The following SLC25A24 variants were observed in gnomAD, a reference collection of about 807,000 sequenced individuals.
SLC25A24 encodes solute carrier family 25 member 24.
SLC25A24 carries 49 observed loss-of-function variants against 60.7 expected under a neutral mutation model. The ratio of observed to expected loss-of-function variants is 0.81; its 90% CI spans 0.64 to 1.02. SLC25A24 has a LOEUF of 1.02. Ranked by LOEUF, SLC25A24 falls within the 50% of genes least tolerant of loss-of-function variation. The probability of loss-of-function intolerance (pLI) is 0.00; values close to 1 mark genes in which losing one functional copy is unlikely to be tolerated. For missense variants in SLC25A24, 564 were observed against 586.3 expected, an observed-to-expected ratio of 0.96 and a Z score of 0.39; for synonymous variants, 202 against 200.6, an observed-to-expected ratio of 1.01 and a Z score of -0.06.
intron 3 of SLC25A24, among the ~76,000 whole-genome samples, chr1:108,175,257 C>T (rs955533961): frequency 2.0e-5 from 3 of 152,158 alleles, no homozygotes; most frequent in Non-Finnish European, 2.9e-5. Flanking sequence ...TTCTGATGTT[C>T]TCATGATAGT....
At chr1:108,192,984 C>A (rs1033394135) in intron 1 of SLC25A24, among the ~76,000 whole-genome samples, 4 of 139,690 alleles carry the variant, frequency 2.9e-5, no homozygotes, top group African/African-American at 9.9e-5. Context: ...TCCCCAGAAA[C>A]TTCCAGGGAG....
At chr1:108,199,695 T>A (rs1303790286) in intron 1 of SLC25A24, 2 of 541,764 alleles carry the variant, frequency 3.7e-6, no homozygotes, top group Admixed American at 3.5e-5. Context: ...AATTTAACAG[T>A]GCCCGTGGGC....
chr1:108,143,539 T>A lies in SLC25A24; in HGVS notation c.1098+4A>T. ...TCCAATTCAAAAGATTTCTACAAACTCACCTCATACACAGCAAGATCTATG... is the reference window on the plus strand; with the variant it reads ...TCCAATTCAAAAGATTTCTACAAACACACCTCATACACAGCAAGATCTATG... On this transcript the variant is annotated splice_donor_region_variant and intron_variant, in intron 8 of 9. Transcript: ENST00000565488. 1 of 1,597,652 alleles carries A rather than the reference T, an allele frequency of 6.3e-7. No homozygotes were observed. The highest frequency in any genetic ancestry group is 8.5e-7 in the Non-Finnish European group (1 of 1,174,340).
chr1:108,164,501 T>A (rs993520229), intron 3 of SLC25A24, among the ~76,000 whole-genome samples: 2 of 152,160 alleles, frequency 1.3e-5, no homozygotes, highest in Non-Finnish European at 2.9e-5. Flanking sequence ...AAATTCAACT[T>A]CTTCCTGGTT....
In SLC25A24 at chr1:108,148,289, T is replaced by C. The variant is rs565764147; in HGVS notation, c.920A>G (p.Tyr307Cys). ...MAGATAQTFI[Y>C]PMEVMKTRLA... Reference sequence around the variant, plus strand: ...GACAATGGTACTCACCTCCATTGGATATATAAAAGTCTGTGCAGTTGCTCC... The same window carrying C: ...GACAATGGTACTCACCTCCATTGGACATATAAAAGTCTGTGCAGTTGCTCC... The change falls in exon 7 of 10, where the codon TAT becomes TGT. Residue 307 changes from tyrosine (Y) to cysteine (C), a missense_variant. Tyr to Cys is a radical substitution (Grantham distance 194). Coordinates refer to ENST00000565488, the MANE Select transcript of SLC25A24 (RefSeq NM_013386.5). 123 of 1,590,404 alleles carry C rather than the reference T, an allele frequency of 7.7e-5. No individual in the cohort carries two copies. In the South Asian group the frequency reaches 1.3e-3, roughly 17 times the overall value.
intron 3 of SLC25A24, among the ~76,000 whole-genome samples, chr1:108,175,843 A>G (rs1318113901): frequency 6.6e-6 from 1 of 152,194 alleles, no homozygotes; most frequent in Non-Finnish European, 1.5e-5. Context: ...AATATTAAAG[A>G]TATTTAATTA....
chr1:108,157,974 A>C, intron 4 of SLC25A24, among the ~76,000 whole-genome samples: 1 of 151,630 alleles, frequency 6.6e-6, no homozygotes, highest in East Asian at 1.9e-4. Flanking sequence ...ATTTTTCATA[A>C]GGCTAGAAAA....
chr1:108,145,588 T>TA (rs398103156), intron 7 of SLC25A24, among the ~76,000 whole-genome samples: 1 of 151,032 alleles, frequency 6.6e-6, no homozygotes, highest in Non-Finnish European at 1.5e-5. Context: ...ATTTTTTTTT[T>TA]ATAAGGTGTA....
chr1:108,175,906 A>T (rs1171635690), intron 3 of SLC25A24, among the ~76,000 whole-genome samples: 1 of 152,194 alleles, frequency 6.6e-6, no homozygotes, highest in African/African-American at 2.4e-5. Context: ...TCTCAGACAA[A>T]GCCAGTCTGC....
Position 108,134,194 on chromosome 1 carries a change from G to A in SLC25A24, c.*2459C>T, listed in dbSNP as rs1228136477. 6.6e-6 allele frequency: 1 copy of A among 152,170 alleles called. No individual in the cohort carries two copies. Among genetic ancestry groups the A allele is most frequent in the Non-Finnish European group, 1.5e-5 (1 of 68,042 alleles). The allele number at this position is 152,170 out of a possible 1,614,324, so 9.4% of individuals were successfully genotyped here. A position where few individuals can be genotyped will look rare whatever the true frequency, so the allele number is the denominator to read the frequency against. On this transcript the variant is annotated 3_prime_UTR_variant, in exon 10 of 10. Coordinates refer to ENST00000565488, the MANE Select transcript of SLC25A24 (RefSeq NM_013386.5). ...AGCTGCCTTGTGCAGCTGTGGACAG[G>A]GACAGGTGTGTGGGCAGGGAACTGC...
intron 3 of SLC25A24, among the ~76,000 whole-genome samples, chr1:108,178,159 TCAAAAA>T (rs1173440179): frequency 9.4e-6 from 1 of 106,202 alleles, no homozygotes; most frequent in Non-Finnish European, 2.0e-5. Context: ...AGACTCCGTC[TCAAAAA>T]CAACAACAAC....
At chr1:108,137,660 CG>C (rs1679327149) in intron 9 of SLC25A24, among the ~76,000 whole-genome samples, 2 of 152,248 alleles carry the variant, frequency 1.3e-5, no homozygotes, top group South Asian at 4.1e-4. Context: ...ATCTATCAGC[CG>C]TATCAGTCAT....
chr1:108,161,316 A>G (rs1680077203), intron 3 of SLC25A24, 23 bp from the exon 4 acceptor site: 1 of 1,225,126 alleles, frequency 8.2e-7, no homozygotes, highest in Non-Finnish European at 1.2e-6. Flanking sequence ...AAAAATGATC[A>G]AAGTACAAAA....
In SLC25A24 at chr1:108,185,889, G is replaced by T; in HGVS notation, c.249C>A (p.Tyr83Ter). 6.3e-7 allele frequency: 1 copy of T among 1,589,620 alleles called. No individual in the cohort carries two copies. ...GKLDFEEFMK[Y>*]LKDHEKKMKL... is the part of the protein sequence containing the mutation. The stretch of plus-strand genomic sequence containing the variant: ...TCATTTTCTTCTCATGGTCTTTAAG[G>T]TACTTCATAAATTCTTCAAAATCCA... The change falls in exon 2 of 10, where the codon TAC (tyrosine) becomes TAA (stop). Residue 83 changes from tyrosine to a stop codon, truncating the protein, a stop_gained. Coordinates refer to ENST00000565488, the MANE Select transcript of SLC25A24 (RefSeq NM_013386.5). LOFTEE classifies it high-confidence loss of function.
chr1:108,159,534 A>G (rs1489769806), intron 4 of SLC25A24, among the ~76,000 whole-genome samples: 1 of 147,544 alleles, frequency 6.8e-6, no homozygotes, highest in Non-Finnish European at 1.5e-5. Context: ...GCAGGGTCAC[A>G]GGACAATAGT....
At chr1:108,143,060 C>G (rs1679484926) in intron 8 of SLC25A24, among the ~76,000 whole-genome samples, 1 of 152,130 alleles carries the variant, frequency 6.6e-6, no homozygotes, top group African/African-American at 2.4e-5. Flanking sequence ...ACATTGAGTC[C>G]TTTGAATCCC....
chr1:108,188,352 C>T (rs993417008), intron 1 of SLC25A24, among the ~76,000 whole-genome samples: 14 of 152,050 alleles, frequency 9.2e-5, no homozygotes, highest in African/African-American at 3.4e-4. Context: ...AACAAATGTG[C>T]ACACACCCTC....
intron 8 of SLC25A24, among the ~76,000 whole-genome samples, chr1:108,143,010 G>A (rs866472136): frequency 5.1e-4 from 77 of 152,070 alleles, no homozygotes; most frequent in African/African-American, 1.8e-3. Context: ...AGTTTTAGTC[G>A]TTTGTCTCCC....
At chr1:108,179,459 A>G (rs935127506) in intron 3 of SLC25A24, among the ~76,000 whole-genome samples, 7 of 152,210 alleles carry the variant, frequency 4.6e-5, no homozygotes, top group African/African-American at 1.7e-4. Context: ...AGCCATGTGC[A>G]TTCCCATGTT....
Sources: gnomAD v4.1 joint callset for allele counts (sites outside exome capture counted in the v4.1 genomes callset) on GRCh38, gnomAD v4.1.1 for gene constraint, MANE v1.5 for transcripts, NCBI Gene and HGNC (gene_info 2026-07-23, HGNC 2026-07-21) for gene names.